The following FAM107B variants were observed in gnomAD, a reference collection of about 807,000 sequenced individuals.
The protein encoded by FAM107B is family with sequence similarity 107 member B, also known as protein FAM107B.
In FAM107B, 21 loss-of-function variants were observed where a neutral mutation model predicts 31.5. That is an observed-to-expected ratio of 0.67 (90% confidence interval 0.47 to 0.96). The LOEUF is 0.96. Ranked by LOEUF, FAM107B falls within the 40% of genes least tolerant of loss-of-function variation. FAM107B has a pLI of 0.00. For missense variants in FAM107B, 452 were observed against 377.1 expected (o/e 1.20, Z -1.64); for synonymous variants, 157 against 141.5 (o/e 1.11, Z -0.78).
At chr10:14,527,163 C>T (rs1371741652) in intron 3 of FAM107B, among the ~76,000 whole-genome samples, 1 of 150,776 alleles carries the variant, frequency 6.6e-6, no homozygotes, top group Admixed American at 6.6e-5. Context: ...TTAAAGATCC[C>T]TTCAATAGTA....
Position 14,530,398 on chromosome 10 carries a change from A to C in FAM107B, c.587T>G (p.Ile196Ser). The change falls in exon 3 of 5, where the codon ATC becomes AGC. Residue 196 changes from isoleucine to serine, a missense_variant. Transcript: ENST00000181796. ...NPELIRPQKL[I>S]NPVKTSRNHQ... ...GTTCCGGGAGGTTTTTACAGGATTG[A>C]TCAGTTTCTGAGGCCTAATGAGTTC... The C allele has an allele frequency of 1.9e-6, 3 of 1,614,040 alleles. No homozygotes were observed. Among genetic ancestry groups the C allele is most frequent in the Non-Finnish European group, 2.5e-6 (3 of 1,179,988 alleles).
At chr10:14,581,495 G>A (rs113645351) in intron 2 of FAM107B, among the ~76,000 whole-genome samples, 3,336 of 152,296 alleles carry the variant, frequency 0.022, 62 homozygotes, top group East Asian at 0.088. Flanking sequence ...CCTGAAAGAC[G>A]TTCGTTCAGA....
chr10:14,549,980 A>G (rs1849105020), intron 2 of FAM107B, among the ~76,000 whole-genome samples: 1 of 152,208 alleles, frequency 6.6e-6, no homozygotes, highest in Non-Finnish European at 1.5e-5. Context: ...ATGTCTATAG[A>G]GCATAACAAC....
At chr10:14,666,078 G>A (rs1282681732) in intron 2 of FAM107B, among the ~76,000 whole-genome samples, 1 of 152,128 alleles carries the variant, frequency 6.6e-6, no homozygotes, top group Non-Finnish European at 1.5e-5. Flanking sequence ...CACTGTCCAA[G>A]GTGCTAGGGA....
At chr10:14,598,689 G>C (rs1852266362) in intron 2 of FAM107B, among the ~76,000 whole-genome samples, 1 of 152,234 alleles carries the variant, frequency 6.6e-6, no homozygotes, top group South Asian at 2.1e-4. Flanking sequence ...TAAGAAGGTA[G>C]ATCTCATGTT....
intron 2 of FAM107B, among the ~76,000 whole-genome samples, chr10:14,644,297 T>C (rs984585784): frequency 7.2e-5 from 11 of 152,234 alleles, no homozygotes; most frequent in East Asian, 1.9e-4. Flanking sequence ...ATATATTACA[T>C]TGTGTTATCT....
chr10:14,525,360 C>T (rs945167550), intron 3 of FAM107B, among the ~76,000 whole-genome samples: 2 of 152,082 alleles, frequency 1.3e-5, no homozygotes, highest in Non-Finnish European at 2.9e-5. Flanking sequence ...ACTACTGAAG[C>T]GGGCAAAGCC....
intron 1 of FAM107B, among the ~76,000 whole-genome samples, chr10:14,696,049 C>T (rs1288790084): frequency 6.6e-6 from 1 of 152,228 alleles, no homozygotes; most frequent in Non-Finnish European, 1.5e-5. Context: ...GCATCCTTAA[C>T]TTGTACCATA....
chr10:14,624,653 G>T (rs1853108351), intron 2 of FAM107B, among the ~76,000 whole-genome samples: 1 of 152,040 alleles, frequency 6.6e-6, no homozygotes, highest in South Asian at 2.1e-4. Flanking sequence ...AAAGACTTGA[G>T]GGTCAACTCC....
At chr10:14,606,790 C>T (rs979511718) in intron 2 of FAM107B, among the ~76,000 whole-genome samples, 9 of 150,102 alleles carry the variant, frequency 6.0e-5, no homozygotes, top group East Asian at 4.0e-4. Context: ...ATGAAAAGGC[C>T]GCCAACTGCA....
chr10:14,624,645 AGACTT>A (rs1853108018), intron 2 of FAM107B, among the ~76,000 whole-genome samples: 1 of 152,154 alleles, frequency 6.6e-6, no homozygotes, highest in Non-Finnish European at 1.5e-5. Flanking sequence ...CAAAAAAAAA[AGACTT>A]GAGGGTCAAC....
intron 2 of FAM107B, among the ~76,000 whole-genome samples, chr10:14,613,435 A>G (rs1317461214): frequency 1.3e-5 from 2 of 152,236 alleles, no homozygotes; most frequent in East Asian, 3.8e-4. Context: ...CATGTGACTA[A>G]TGAAAAGCAG....
At chr10:14,711,641 T>C (rs543031015) in intron 1 of FAM107B, among the ~76,000 whole-genome samples, 1 of 152,194 alleles carries the variant, frequency 6.6e-6, no homozygotes, top group African/African-American at 2.4e-5. Flanking sequence ...GTATCCCTGC[T>C]TTTTTTAGTT....
At chr10:14,729,413 G>A (rs982108759) in intron 1 of FAM107B, among the ~76,000 whole-genome samples, 4 of 152,196 alleles carry the variant, frequency 2.6e-5, no homozygotes, top group Admixed American at 2.6e-4. Flanking sequence ...ACCTTTGCTA[G>A]ATGCCAAGCC....
chr10:14,716,321 G>C (rs1358284547), intron 1 of FAM107B, among the ~76,000 whole-genome samples: 1 of 152,180 alleles, frequency 6.6e-6, no homozygotes, highest in East Asian at 1.9e-4. Flanking sequence ...GGCTCCACTG[G>C]GTTGCGGGAT....
chr10:14,676,669 A>T (rs1210630451), intron 1 of FAM107B, among the ~76,000 whole-genome samples: 2 of 151,802 alleles, frequency 1.3e-5, no homozygotes, highest in Non-Finnish European at 2.9e-5. Context: ...TTATTCTATT[A>T]ACTAAAATGA....
chr10:14,627,279 C>T (rs908965263), intron 2 of FAM107B, among the ~76,000 whole-genome samples: 3 of 152,178 alleles, frequency 2.0e-5, no homozygotes, highest in Non-Finnish European at 2.9e-5. Context: ...TCGTCACAGT[C>T]CTAATTTTCT....
intron 2 of FAM107B, among the ~76,000 whole-genome samples, chr10:14,565,782 G>A (rs1475519565): frequency 6.6e-6 from 1 of 152,186 alleles, no homozygotes; most frequent in Non-Finnish European, 1.5e-5. Flanking sequence ...GGCTGCAAAG[G>A]AGGCTGAAGG....
chr10:14,643,128 G>A (rs1419894096), intron 2 of FAM107B, among the ~76,000 whole-genome samples: 1 of 152,156 alleles, frequency 6.6e-6, no homozygotes, highest in Admixed American at 6.5e-5. Flanking sequence ...TAGATAGACA[G>A]ATAGATAGCT....
Sources: gnomAD v4.1 joint callset for allele counts (sites outside exome capture counted in the v4.1 genomes callset) on GRCh38, gnomAD v4.1.1 for gene constraint, MANE v1.5 for transcripts, NCBI Gene and HGNC (gene_info 2026-07-23, HGNC 2026-07-21) for gene names.